Variants in ERBB4 observed in about 807,000 individuals in gnomAD.
The protein encoded by ERBB4 is receptor tyrosine-protein kinase erbB-4.
A neutral mutation model predicts 158.0 loss-of-function variants in ERBB4; 42 were observed. The observed-to-expected ratio is 0.27, with a 90% CI of 0.21 to 0.34. The LOEUF (loss-of-function observed/expected upper bound fraction) is 0.34. Ranked by LOEUF, ERBB4 falls within the 10% of genes least tolerant of loss-of-function variation. ERBB4 has a pLI of 1.00. For synonymous variants in ERBB4, 583 were observed against 558.7 expected, an observed-to-expected ratio of 1.04 and a Z score of -0.61; for missense variants, 1,333 against 1,624.1, an observed-to-expected ratio of 0.82 and a Z score of 3.08.
intron 3 of ERBB4, among the ~76,000 whole-genome samples, chr2:211,813,567 T>G (rs1435251633): frequency 6.6e-6 from 1 of 152,198 alleles, no homozygotes; most frequent in East Asian, 1.9e-4. Flanking sequence ...TATCTTTGCA[T>G]GCAGTGAATG....
At chr2:212,032,279 A>G (rs2076921010) in intron 2 of ERBB4, among the ~76,000 whole-genome samples, 1 of 152,080 alleles carries the variant, frequency 6.6e-6, no homozygotes, top group Non-Finnish European at 1.5e-5. Context: ...TGTTGTGGTT[A>G]TAGTGCAAAA....
At chr2:211,571,805 C>T (rs11903812) in intron 19 of ERBB4, among the ~76,000 whole-genome samples, 1 of 152,300 alleles carries the variant, frequency 6.6e-6, no homozygotes, top group African/African-American at 2.4e-5. Flanking sequence ...CCCTCCCACA[C>T]TTACTCCATT....
intron 12 of ERBB4, among the ~76,000 whole-genome samples, chr2:211,698,719 A>T (rs73082630): frequency 0.017 from 2,646 of 152,200 alleles, 69 homozygotes; most frequent in African/African-American, 0.061. Flanking sequence ...TAGAACTCAG[A>T]TTCTAAAGGA....
At chr2:211,880,632 C>T (rs1466309206) in intron 3 of ERBB4, among the ~76,000 whole-genome samples, 1 of 152,000 alleles carries the variant, frequency 6.6e-6, no homozygotes, top group Non-Finnish European at 1.5e-5. Context: ...AGTCTGAGGC[C>T]CTAGGAACCA....
intron 2 of ERBB4, among the ~76,000 whole-genome samples, chr2:212,100,777 TA>T (rs2079061103): frequency 6.6e-6 from 1 of 152,122 alleles, no homozygotes; most frequent in Non-Finnish European, 1.5e-5. Flanking sequence ...GGGAAGGTTT[TA>T]AAGAAAAGGT....
chr2:211,574,291 A>G (rs1177518360), intron 19 of ERBB4, among the ~76,000 whole-genome samples: 2 of 152,226 alleles, frequency 1.3e-5, no homozygotes, highest in African/African-American at 4.8e-5. Flanking sequence ...AGGGAGAGCT[A>G]GCAGTATCTC....
chr2:212,455,330 T>TTTAA (rs1462971519), intron 1 of ERBB4, among the ~76,000 whole-genome samples: 1 of 152,148 alleles, frequency 6.6e-6, no homozygotes, highest in Non-Finnish European at 1.5e-5. Context: ...TTAGGTGATC[T>TTTAA]CATGTATGAA....
At chr2:211,961,351 T>C (rs2081175476) in intron 2 of ERBB4, among the ~76,000 whole-genome samples, 1 of 152,138 alleles carries the variant, frequency 6.6e-6, no homozygotes, top group South Asian at 2.1e-4. Flanking sequence ...TTTATAAAAA[T>C]GGAGTTTCAT....
chr2:211,764,295 A>G (rs767963807), intron 4 of ERBB4, among the ~76,000 whole-genome samples: 1 of 152,238 alleles, frequency 6.6e-6, no homozygotes, highest in Non-Finnish European at 1.5e-5. Context: ...ACCACTGCAT[A>G]GACATCTCTT....
Position 212,519,796 on chromosome 2 carries a change from T to G in ERBB4, c.82+18653A>C, listed in dbSNP as rs149143099. On this transcript the variant is annotated intron_variant, in intron 1 of 27. Coordinates refer to ENST00000342788, the MANE Select transcript of ERBB4 (RefSeq NM_005235.3). ...AGGCACAGGGGAATATAGAGAGAGG[T>G]TGGTTAAAGAATACAAAATTATAGC... 2.7e-3 allele frequency among the ~76,000 whole-genome samples: 407 copies of G among 151,550 alleles called. 1 individual carries two copies. Among genetic ancestry groups the G allele is most frequent in the Non-Finnish European group, 3.8e-3 (256 of 67,782 alleles).
chr2:211,699,976 C>A (rs191068065), intron 12 of ERBB4, among the ~76,000 whole-genome samples: 1 of 152,126 alleles, frequency 6.6e-6, no homozygotes, highest in Admixed American at 6.5e-5. Flanking sequence ...AGATATATGA[C>A]ATATGAATTT....
intron 2 of ERBB4, among the ~76,000 whole-genome samples, chr2:211,972,304 A>G (rs1003908829): frequency 2.0e-5 from 3 of 152,248 alleles, no homozygotes; most frequent in South Asian, 4.1e-4. Flanking sequence ...GGAAGAATCA[A>G]TATCATTAAA....
At chr2:211,488,590 A>T (rs904888858) in intron 20 of ERBB4, among the ~76,000 whole-genome samples, 2 of 152,112 alleles carry the variant, frequency 1.3e-5, no homozygotes, top group Middle Eastern at 3.2e-3. Flanking sequence ...TTTATTTTAA[A>T]ATAAGTGTCA....
At chr2:212,086,479 T>C (rs1261760270) in intron 2 of ERBB4, among the ~76,000 whole-genome samples, 2 of 152,032 alleles carry the variant, frequency 1.3e-5, no homozygotes, top group African/African-American at 4.8e-5. Context: ...ATCTTTAAAT[T>C]CTATGATTTT....
intron 20 of ERBB4, among the ~76,000 whole-genome samples, chr2:211,515,912 A>ATATATATATATATATTTTTTTT (rs35696520): frequency 7.6e-5 from 6 of 78,980 alleles, no homozygotes; most frequent in Admixed American, 1.5e-4. Context: ...ATATATATAT[A>ATATATATATATATATTTTTTTT]TTTTTTTTTT....
At chr2:211,405,193 C>T (rs1375994879) in intron 25 of ERBB4, among the ~76,000 whole-genome samples, 5 of 152,012 alleles carry the variant, frequency 3.3e-5, no homozygotes, top group Admixed American at 1.3e-4. Flanking sequence ...CCTCAGATTC[C>T]GTGATATGCT....
intron 20 of ERBB4, among the ~76,000 whole-genome samples, chr2:211,542,911 C>T (rs1436767271): frequency 6.6e-6 from 1 of 151,752 alleles, no homozygotes; most frequent in East Asian, 1.9e-4. Context: ...TCGTTCAATC[C>T]CAAAAGGGAA....
At chr2:211,881,575 T>A (rs1229053022) in intron 3 of ERBB4, among the ~76,000 whole-genome samples, 1 of 112,502 alleles carries the variant, frequency 8.9e-6, no homozygotes, top group Non-Finnish European at 1.6e-5. Flanking sequence ...AGAACCTGCC[T>A]GCATAATAAA....
intron 1 of ERBB4, among the ~76,000 whole-genome samples, chr2:212,283,018 T>C (rs988769262): frequency 1.3e-4 from 19 of 151,912 alleles, no homozygotes; most frequent in South Asian, 8.3e-4. Flanking sequence ...TGGGCATTCA[T>C]ACTCGGTCTA....
Sources: allele counts gnomAD v4.1 joint callset (sites outside exome capture counted in the v4.1 genomes callset), GRCh38; gene constraint gnomAD v4.1.1; transcripts MANE v1.5; gene names NCBI Gene and HGNC (gene_info 2026-07-23, HGNC 2026-07-21).